The following PLEKHA6 variants were observed in gnomAD, a reference collection of about 807,000 sequenced individuals.
PLEKHA6 encodes pleckstrin homology domain-containing family A member 6.
A neutral mutation model predicts 116.7 loss-of-function variants in PLEKHA6; 60 were observed. The ratio of observed to expected loss-of-function variants is 0.51; its 90% CI spans 0.42 to 0.64. The LOEUF is 0.64. Among genes scored for constraint, PLEKHA6 ranks in the 30% least tolerant of loss-of-function variants. The pLI is 0.00. For synonymous variants in PLEKHA6, 489 were observed against 556.1 expected, an observed-to-expected ratio of 0.88 and a Z score of 1.70; for missense variants, 1,338 against 1,422.7, an observed-to-expected ratio of 0.94 and a Z score of 0.96.
chr1:204,220,679 C>T lies in PLEKHA6; in HGVS notation c.*2109G>A, dbSNP rs747268849. 6.6e-6 allele frequency: 1 copy of T among 152,466 alleles called. No individual in the cohort carries two copies. Among genetic ancestry groups the T allele is most frequent in the Non-Finnish European group, 1.5e-5 (1 of 68,012 alleles). 9.4% of individuals were successfully genotyped at this position (152,466 alleles called of 1,614,324 possible). On this transcript the variant is annotated 3_prime_UTR_variant, in exon 23 of 23. Transcript: ENST00000272203. ...ATGTGGAAAATAAGGGAGAGAAAAA[C>T]AGGCCTGGGCAGGAACTGTAGGAAA...
At position 204,255,810 on chromosome 1, in the gene PLEKHA6, G is replaced by A. The variant is rs1053709625; in HGVS notation, c.1524+1543C>T. The A allele has an allele frequency of 5.9e-5, 38 of 639,350 alleles. 1 individual carries two copies. In the South Asian group the frequency reaches 6.8e-4, roughly 11 times the overall value. 39.6% of individuals were successfully genotyped at this position (639,350 alleles called of 1,614,324 possible). On this transcript the variant is annotated intron_variant, in intron 9 of 22. Coordinates refer to ENST00000272203, the MANE Select transcript of PLEKHA6 (RefSeq NM_014935.5). ...AGGACAAGGAGAGGCTTCTCCCTCT[G>A]CCCTTGAGGAGTTCTCAGGAAGGGA... is the stretch of plus-strand genomic sequence containing the variant.
At chr1:204,255,906 C>T (rs902883493) in intron 9 of PLEKHA6, among the ~76,000 whole-genome samples, 1 of 152,160 alleles carries the variant, frequency 6.6e-6, no homozygotes, top group African/African-American at 2.4e-5. Flanking sequence ...CACACGCAGA[C>T]CCCAGTGCCA....
chr1:204,296,498 T>G (rs1670291180), intron 1 of PLEKHA6, among the ~76,000 whole-genome samples: 1 of 152,168 alleles, frequency 6.6e-6, no homozygotes, highest in Admixed American at 6.5e-5. Context: ...CCCACTCCCC[T>G]ACTCGCTTTG....
Position 204,249,294 on chromosome 1 carries a change from G to T in PLEKHA6, c.1594-30C>A, listed in dbSNP as rs919403905. The T allele has an allele frequency of 3.4e-6, 5 of 1,455,122 alleles. No individual in the cohort carries two copies. In the Admixed American group the frequency reaches 8.4e-5, roughly 24 times the overall value. 90.1% of individuals were successfully genotyped at this position (1,455,122 alleles called of 1,614,324 possible). ...GGACCCAGAGAGTGGAGAAGGAGAG[G>T]GAGAAAGAAGGGGATGAAGGACATA... On this transcript the variant is annotated intron_variant, in intron 10 of 22. Coordinates refer to ENST00000272203, the MANE Select transcript of PLEKHA6 (RefSeq NM_014935.5).
intron 17 of PLEKHA6, among the ~76,000 whole-genome samples, chr1:204,230,955 A>C (rs1402781233): frequency 6.6e-6 from 1 of 152,186 alleles, no homozygotes; most frequent in Non-Finnish European, 1.5e-5. Flanking sequence ...AGAAACCTAC[A>C]AGAGATTCTC....
At chr1:204,299,227 T>G (rs1351706518) in intron 1 of PLEKHA6, among the ~76,000 whole-genome samples, 1 of 151,940 alleles carries the variant, frequency 6.6e-6, no homozygotes, top group Non-Finnish European at 1.5e-5. Context: ...GCACACATGG[T>G]TGGTATGAGG....
chr1:204,247,153 C>A (rs1391681850), intron 13 of PLEKHA6, among the ~76,000 whole-genome samples: 1 of 152,150 alleles, frequency 6.6e-6, no homozygotes, highest in African/African-American at 2.4e-5. Context: ...AAAAAAAATC[C>A]TTTCAGTCAT....
intron 1 of PLEKHA6, among the ~76,000 whole-genome samples, chr1:204,278,925 C>CT (rs1266521884): frequency 6.6e-6 from 1 of 152,206 alleles, no homozygotes; most frequent in Non-Finnish European, 1.5e-5. Flanking sequence ...GTTTGACATT[C>CT]TATCACCGAG....
rs368833612 is a variant in PLEKHA6 at position 204,245,627 on chromosome 1, C to T, written c.2020G>A (p.Ala674Thr). 7.8e-5 allele frequency: 126 copies of T among 1,606,642 alleles called. 1 individual carries two copies. The highest frequency in any genetic ancestry group is 5.4e-4 in the South Asian group (49 of 90,894). The change falls in exon 14 of 23, where the codon GCC becomes ACC. Residue 674 changes from alanine to threonine, a missense_variant. Physicochemically the swap from Ala to Thr is moderately conservative, Grantham distance 58. Transcript: ENST00000272203. The stretch of plus-strand genomic sequence containing the variant: ...AGGAGGCACCCACCTCTGTGCTTGG[C>T]GGTGTCCGTGCCCCGGGAGGGGTTG... ...KNNPSRGTDT[A>T]KHRGGLGPSA...
intron 17 of PLEKHA6, among the ~76,000 whole-genome samples, chr1:204,239,990 C>A (rs1489284289): frequency 6.6e-6 from 1 of 152,152 alleles, no homozygotes; most frequent in Non-Finnish European, 1.5e-5. Context: ...CCAGGAAACA[C>A]AACGATTCCA....
chr1:204,355,691 C>T (rs536301012), intron 1 of PLEKHA6, among the ~76,000 whole-genome samples: 5 of 152,234 alleles, frequency 3.3e-5, no homozygotes, highest in Admixed American at 6.5e-5. Context: ...CCACCCGCTT[C>T]GGCCTCCCAA....
chr1:204,338,641 G>C (rs1672740002), intron 1 of PLEKHA6, among the ~76,000 whole-genome samples: 1 of 152,218 alleles, frequency 6.6e-6, no homozygotes, highest in Admixed American at 6.5e-5. Flanking sequence ...TGTGAGAAGA[G>C]CCATGTGAGA....
rs893316864 is a variant in PLEKHA6 at position 204,250,549 on chromosome 1, T to C, written c.1590A>G (p.Thr530=). The change falls in exon 10 of 23, where the codon ACA becomes ACG. Residue 530 remains threonine (T), a synonymous_variant. Coordinates refer to ENST00000272203, the MANE Select transcript of PLEKHA6 (RefSeq NM_014935.5). ...LHTYKLNEQD[T]DKLLGKLCEQ... is the part of the protein sequence containing the mutation. ...GAGCAGGGGGCGCTGCTCTTACATC[T>C]GTGTCTTGCTCGTTTAACTTGTAGG... 1.2e-6 allele frequency: 2 copies of C among 1,611,182 alleles called. No homozygotes were observed. The highest frequency in any genetic ancestry group is 1.7e-6 in the Non-Finnish European group (2 of 1,177,966).
chr1:204,312,565 C>A (rs1671692788), intron 1 of PLEKHA6, among the ~76,000 whole-genome samples: 1 of 152,194 alleles, frequency 6.6e-6, no homozygotes, highest in Admixed American at 6.5e-5. Flanking sequence ...TTGGGCAGCA[C>A]AAACACAACG....
intron 21 of PLEKHA6, among the ~76,000 whole-genome samples, chr1:204,226,162 A>G (rs1455747577): frequency 6.6e-6 from 1 of 152,182 alleles, no homozygotes; most frequent in Non-Finnish European, 1.5e-5. Flanking sequence ...TGCCTGGCAG[A>G]GCTGTAGCTC....
chr1:204,273,890 C>T (rs1319448249), intron 2 of PLEKHA6, 150 bp from the exon 3 acceptor site: 3 of 613,310 alleles, frequency 4.9e-6, no homozygotes, highest in Non-Finnish European at 8.7e-6. Flanking sequence ...ACCTCAGCCA[C>T]TCCTTTAGCC....
At chr1:204,344,445 C>T (rs1295956081) in intron 1 of PLEKHA6, among the ~76,000 whole-genome samples, 2 of 151,762 alleles carry the variant, frequency 1.3e-5, no homozygotes, top group East Asian at 1.9e-4. Flanking sequence ...ACTAAAAATA[C>T]AAAAATAAGC....
chr1:204,376,157 C>T (rs12405987), intron 1 of PLEKHA6, among the ~76,000 whole-genome samples: 8,919 of 152,014 alleles, frequency 0.059, 1,068 homozygotes, highest in East Asian at 0.53. Flanking sequence ...GAGTGGATGC[C>T]CAATAAATGT....
In PLEKHA6 at chr1:204,346,362, A is replaced by T. The variant is rs181198949; in HGVS notation, c.-95+13332T>A. On this transcript the variant is annotated intron_variant, in intron 1 of 22. Transcript: ENST00000272203. ...AACACTCTCACTCTCACCCCCCTAGAGGAGGCAGCATCTACCACCTGCCTC... is the reference window on the plus strand; with the variant it reads ...AACACTCTCACTCTCACCCCCCTAGTGGAGGCAGCATCTACCACCTGCCTC... Among the ~76,000 whole-genome samples the T allele has an allele frequency of 2.0e-5, 3 of 152,232 alleles. No homozygotes were observed. The East Asian group carries it at 5.8e-4, about 29-fold the overall frequency.
Sources: gnomAD v4.1 joint callset for allele counts (sites outside exome capture counted in the v4.1 genomes callset) on GRCh38, gnomAD v4.1.1 for gene constraint, MANE v1.5 for transcripts, NCBI Gene and HGNC (gene_info 2026-07-23, HGNC 2026-07-21) for gene names.